KDM4C: variants seen among roughly 807,000 people sequenced by gnomAD.
The protein encoded by KDM4C is lysine demethylase 4C.
A neutral mutation model predicts 129.3 loss-of-function variants in KDM4C; 81 were observed. The observed-to-expected ratio is 0.63, with a 90% CI of 0.52 to 0.75. The LOEUF (loss-of-function observed/expected upper bound fraction) is 0.75, where lower values mean the gene tolerates loss of function less well. KDM4C is among the 30% of genes least tolerant of loss of function. The pLI is 0.00. For synonymous variants in KDM4C, 573 were observed against 456.1 expected, an observed-to-expected ratio of 1.26 and a Z score of -3.26; for missense variants, 1,457 against 1,304.0, an observed-to-expected ratio of 1.12 and a Z score of -1.81.
In KDM4C at chr9:6,821,878, G is replaced by C. The variant is rs150942226; in HGVS notation, c.435+7133G>C. On this transcript the variant is annotated intron_variant, in intron 4 of 21. Transcript: ENST00000381309. ...TCTAACTCCTGGCCTCAAGTGATCT[G>C]CCTGTCTTGGCCTCCCAAAGTGCTG... Among the ~76,000 whole-genome samples the C allele has an allele frequency of 2.8e-3, 419 of 152,250 alleles. 1 individual carries two copies. The highest frequency in any genetic ancestry group is 5.2e-3 in the Non-Finnish European group (352 of 68,014).
At chr9:6,944,215 A>G (rs1826461426) in intron 8 of KDM4C, among the ~76,000 whole-genome samples, 1 of 152,220 alleles carries the variant, frequency 6.6e-6, no homozygotes, top group Non-Finnish European at 1.5e-5. Context: ...TTGATTGAAC[A>G]TCCTTGCATT....
chr9:6,892,984 C>G (rs1846317854), intron 7 of KDM4C, 111 bp from the exon 8 acceptor site: 2 of 797,370 alleles, frequency 2.5e-6, no homozygotes, highest in African/African-American at 1.8e-5. Context: ...TGGTAGTGCT[C>G]TGATATCAAG....
At chr9:7,008,550 C>A (rs1822102845) in intron 12 of KDM4C, among the ~76,000 whole-genome samples, 1 of 152,174 alleles carries the variant, frequency 6.6e-6, no homozygotes, top group Admixed American at 6.5e-5. Flanking sequence ...CCCTAGTGAA[C>A]CCTGGGTACA....
At chr9:7,041,844 A>G (rs1828659228) in intron 15 of KDM4C, among the ~76,000 whole-genome samples, 1 of 152,052 alleles carries the variant, frequency 6.6e-6, no homozygotes, top group Non-Finnish European at 1.5e-5. Context: ...CCTGCCTTTC[A>G]TAGTTGAGCT....
intron 5 of KDM4C, among the ~76,000 whole-genome samples, chr9:6,873,442 C>T (rs1301771594): frequency 6.6e-6 from 1 of 152,182 alleles, no homozygotes; most frequent in African/African-American, 2.4e-5. Context: ...ATGATCTTAG[C>T]TAGATTTTCA....
intron 18 of KDM4C, among the ~76,000 whole-genome samples, chr9:7,123,669 A>G (rs960145075): frequency 6.6e-6 from 1 of 152,226 alleles, no homozygotes; most frequent in Non-Finnish European, 1.5e-5. Flanking sequence ...AAGGGATGGT[A>G]ACTGAAAGAG....
At chr9:7,170,215 T>C (rs908697654) in intron 21 of KDM4C, 25 of 1,201,886 alleles carry the variant, frequency 2.1e-5, no homozygotes, top group Non-Finnish European at 2.6e-5. Context: ...ATCAAGGCAT[T>C]TGCAATCTTG....
Position 7,175,088 on chromosome 9 carries a change from G to A in KDM4C, c.*359G>A, listed in dbSNP as rs768394117. On this transcript the variant is annotated 3_prime_UTR_variant, in exon 22 of 22. Coordinates refer to ENST00000381309, the MANE Select transcript of KDM4C (RefSeq NM_015061.6). Reference sequence around the variant, plus strand: ...CTTAGGGCCCTGTCAGGAAACACACGGGGACCTCTCTCTCTAGCTCCAGCA... The same window carrying A: ...CTTAGGGCCCTGTCAGGAAACACACAGGGACCTCTCTCTCTAGCTCCAGCA... 38 of 174,724 alleles carry A rather than the reference G, an allele frequency of 2.2e-4. No homozygotes were observed. The highest frequency in any genetic ancestry group is 4.2e-4 in the Non-Finnish European group (34 of 81,728). The allele number at this position is 174,724 out of a possible 1,614,324, so 10.8% of individuals were successfully genotyped here.
intron 5 of KDM4C, among the ~76,000 whole-genome samples, chr9:6,874,045 T>A (rs933416210): frequency 6.6e-6 from 1 of 152,164 alleles, no homozygotes; most frequent in Admixed American, 6.5e-5. Flanking sequence ...GCATGGTTTG[T>A]GGTGCCCCCA....
At chr9:6,746,618 G>A (rs566110162) in intron 1 of KDM4C, among the ~76,000 whole-genome samples, 2 of 151,586 alleles carry the variant, frequency 1.3e-5, no homozygotes, top group African/African-American at 4.8e-5. Flanking sequence ...GGTGCCTCAC[G>A]CCCGAAATCC....
chr9:6,860,220 G>T (rs1410981403), intron 5 of KDM4C, among the ~76,000 whole-genome samples: 1 of 152,126 alleles, frequency 6.6e-6, no homozygotes, highest in African/African-American at 2.4e-5. Flanking sequence ...GGAGGTGTAG[G>T]TAGGAGAAAT....
At chr9:7,120,484 C>G (rs1206818084) in intron 18 of KDM4C, among the ~76,000 whole-genome samples, 2 of 152,078 alleles carry the variant, frequency 1.3e-5, no homozygotes, top group Non-Finnish European at 2.9e-5. Context: ...TTAGTGCTGT[C>G]CCTTAGAGGT....
chr9:6,979,256 A>C (rs889457004), intron 8 of KDM4C, among the ~76,000 whole-genome samples: 8 of 152,214 alleles, frequency 5.3e-5, no homozygotes, highest in African/African-American at 1.9e-4. Context: ...ATGCAAGGTA[A>C]CTTAGAAACC....
intron 19 of KDM4C, among the ~76,000 whole-genome samples, chr9:7,131,638 C>T (rs893917649): frequency 9.9e-5 from 15 of 152,108 alleles, no homozygotes; most frequent in Non-Finnish European, 2.1e-4. Context: ...TTATTTAAGT[C>T]ATGGATTTAA....
chr9:6,832,306 C>G (rs1051010964), intron 4 of KDM4C, among the ~76,000 whole-genome samples: 5 of 147,694 alleles, frequency 3.4e-5, no homozygotes, highest in African/African-American at 1.2e-4. Context: ...CGCCACTGCA[C>G]TCCAGCCTGG....
intron 8 of KDM4C, among the ~76,000 whole-genome samples, chr9:6,939,227 G>A (rs1003743125): frequency 6.6e-6 from 1 of 152,032 alleles, no homozygotes; most frequent in African/African-American, 2.4e-5. Flanking sequence ...CAGATCAGCG[G>A]TGGTATTAGA....
intron 12 of KDM4C, among the ~76,000 whole-genome samples, chr9:7,000,388 G>T (rs1209573926): frequency 3.3e-5 from 5 of 152,140 alleles, no homozygotes; most frequent in African/African-American, 1.2e-4. Flanking sequence ...ACAATGATTA[G>T]CATGAAATCT....
chr9:6,969,726 A>T (rs529927911), intron 8 of KDM4C, among the ~76,000 whole-genome samples: 3 of 151,934 alleles, frequency 2.0e-5, no homozygotes, highest in Non-Finnish European at 2.9e-5. Flanking sequence ...TTTATTTAAA[A>T]TTTTTTTTCT....
intron 19 of KDM4C, among the ~76,000 whole-genome samples, chr9:7,145,064 G>A (rs907125716): frequency 6.6e-6 from 1 of 152,096 alleles, no homozygotes; most frequent in Non-Finnish European, 1.5e-5. Context: ...CTCCCTCTGG[G>A]CCCACCAGAG....
Sources: gnomAD v4.1 joint callset for allele counts (sites outside exome capture counted in the v4.1 genomes callset) on GRCh38, gnomAD v4.1.1 for gene constraint, MANE v1.5 for transcripts, NCBI Gene and HGNC (gene_info 2026-07-23, HGNC 2026-07-21) for gene names.